Variants in ROBO2 observed in about 807,000 individuals in gnomAD.
ROBO2 encodes roundabout guidance receptor 2.
A neutral mutation model predicts 160.8 loss-of-function variants in ROBO2; 53 were observed. The observed-to-expected ratio is 0.33, with a 90% confidence interval of 0.26 to 0.41. ROBO2 has a LOEUF of 0.41. Among genes scored for constraint, ROBO2 ranks in the 10% least tolerant of loss-of-function variants. The pLI is 1.00. For synonymous variants in ROBO2, 664 were observed against 611.7 expected (o/e 1.09, Z -1.26); for missense variants, 1,577 against 1,722.4 (o/e 0.92, Z 1.49).
intron 2 of ROBO2, among the ~76,000 whole-genome samples, chr3:76,191,660 A>G (rs1284165238): frequency 6.6e-6 from 1 of 152,098 alleles, no homozygotes; most frequent in Non-Finnish European, 1.5e-5. Flanking sequence ...GAATACACCT[A>G]TTCTCTACAA....
intron 2 of ROBO2, among the ~76,000 whole-genome samples, chr3:76,973,197 C>T (rs1264985657): frequency 6.6e-6 from 1 of 152,130 alleles, no homozygotes; most frequent in Non-Finnish European, 1.5e-5. Flanking sequence ...TTCCTTTCCT[C>T]CTTTATTTAT....
At chr3:76,237,914 A>G (rs1705043880) in intron 2 of ROBO2, among the ~76,000 whole-genome samples, 1 of 152,142 alleles carries the variant, frequency 6.6e-6, no homozygotes. Context: ...GATTAAAGGC[A>G]TACCGAAGAG....
chr3:77,587,546 C>G (rs1402321458), intron 16 of ROBO2, among the ~76,000 whole-genome samples: 3 of 152,030 alleles, frequency 2.0e-5, no homozygotes, highest in Non-Finnish European at 2.9e-5. Context: ...TTAGCCTCCA[C>G]TTCAACCCTC....
chr3:76,542,261 C>A (rs2082860098), intron 2 of ROBO2, among the ~76,000 whole-genome samples: 1 of 152,076 alleles, frequency 6.6e-6, no homozygotes. Context: ...CTTATAGGGT[C>A]TAGTGATGCA....
intron 2 of ROBO2, among the ~76,000 whole-genome samples, chr3:76,481,777 G>A (rs531010944): frequency 1.3e-5 from 2 of 152,218 alleles, no homozygotes; most frequent in South Asian, 2.1e-4. Context: ...TAAAAGTTAA[G>A]AGCGTCACTC....
intron 5 of ROBO2, among the ~76,000 whole-genome samples, chr3:77,498,412 G>T (rs934199825): frequency 1.3e-5 from 2 of 152,264 alleles, no homozygotes; most frequent in African/African-American, 4.8e-5. Context: ...ATAGAAAAGG[G>T]AGTAGAGAAT....
At chr3:77,265,641 T>C (rs2153345743) in intron 2 of ROBO2, among the ~76,000 whole-genome samples, 1 of 152,258 alleles carries the variant, frequency 6.6e-6, no homozygotes, top group South Asian at 2.1e-4. Flanking sequence ...GACATTCCTA[T>C]TGACAATTTC....
At chr3:76,113,786 G>A (rs1267932430) in intron 2 of ROBO2, among the ~76,000 whole-genome samples, 2 of 152,124 alleles carry the variant, frequency 1.3e-5, no homozygotes, top group African/African-American at 4.8e-5. Context: ...TTGGAGGTGG[G>A]ACCTCATGGG....
intron 9 of ROBO2, among the ~76,000 whole-genome samples, chr3:77,558,354 A>T (rs2093201625): frequency 6.6e-6 from 1 of 152,136 alleles, no homozygotes; most frequent in South Asian, 2.1e-4. Flanking sequence ...CATTCATAAC[A>T]GAATCTCGAA....
chr3:76,423,168 T>C (rs1438354717), intron 2 of ROBO2, among the ~76,000 whole-genome samples: 1 of 152,056 alleles, frequency 6.6e-6, no homozygotes, highest in African/African-American at 2.4e-5. Flanking sequence ...AAGCTTAAGG[T>C]CAGGCAAGTT....
chr3:76,274,347 A>G (rs1336572729), intron 2 of ROBO2, among the ~76,000 whole-genome samples: 1 of 149,140 alleles, frequency 6.7e-6, no homozygotes, highest in Non-Finnish European at 1.5e-5. Flanking sequence ...CTTAAAGTAT[A>G]ATTAAAAAAA....
chr3:76,857,078 C>T (rs1190085937), intron 2 of ROBO2, among the ~76,000 whole-genome samples: 1 of 151,378 alleles, frequency 6.6e-6, no homozygotes, highest in Non-Finnish European at 1.5e-5. Context: ...CTCCTTCTCC[C>T]GGGTTCAAGC....
At chr3:76,215,482 A>C (rs1171081680) in intron 2 of ROBO2, among the ~76,000 whole-genome samples, 1 of 152,244 alleles carries the variant, frequency 6.6e-6, no homozygotes, top group Non-Finnish European at 1.5e-5. Flanking sequence ...GATGGAGCTA[A>C]AAATCAGGGC....
At chr3:76,543,445 A>C (rs1257562406) in intron 2 of ROBO2, among the ~76,000 whole-genome samples, 1 of 152,080 alleles carries the variant, frequency 6.6e-6, no homozygotes, top group African/African-American at 2.4e-5. Context: ...ATTCATCCCA[A>C]ACAAACAAAA....
chr3:77,465,800 T>C (rs1031053471), intron 2 of ROBO2, among the ~76,000 whole-genome samples: 1 of 152,206 alleles, frequency 6.6e-6, no homozygotes, highest in Non-Finnish European at 1.5e-5. Context: ...TCTTTAGGAA[T>C]GTAAGAAACT....
chr3:76,670,033 G>T (rs6781519), intron 2 of ROBO2, among the ~76,000 whole-genome samples: 1 of 152,022 alleles, frequency 6.6e-6, no homozygotes, highest in African/African-American at 2.4e-5. Flanking sequence ...GCTGAATATA[G>T]TAAGTGTCTT....
chr3:77,468,210 C>T (rs573286123), intron 2 of ROBO2, among the ~76,000 whole-genome samples: 9 of 152,186 alleles, frequency 5.9e-5, no homozygotes, highest in African/African-American at 2.2e-4. Flanking sequence ...ATGCAGATCC[C>T]TGTCAAATAT....
In ROBO2 at chr3:77,528,378, G is replaced by T. The variant is rs1191613319; in HGVS notation, c.934+5476G>T. 1.8e-4 allele frequency among the ~76,000 whole-genome samples: 27 copies of T among 151,542 alleles called. No homozygotes were observed. In the Admixed American group the frequency reaches 1.8e-3, roughly 10 times the overall value. ...CTTCAAAAGCTTCCTTCATGTACCAGCTTGACATCATTGACACCTGATATA... is the reference window on the plus strand; with the variant it reads ...CTTCAAAAGCTTCCTTCATGTACCATCTTGACATCATTGACACCTGATATA... On this transcript the variant is annotated intron_variant, in intron 6 of 25. Coordinates refer to ENST00000461745, the Ensembl canonical transcript of ROBO2.
intron 1 of ROBO2, among the ~76,000 whole-genome samples, chr3:77,046,998 A>T (rs559419743): frequency 6.6e-6 from 1 of 152,310 alleles, no homozygotes; most frequent in South Asian, 2.1e-4. Context: ...TTGAGAACTC[A>T]GAGAAGGAAT....
Sources: allele counts gnomAD v4.1 joint callset (sites outside exome capture counted in the v4.1 genomes callset), GRCh38; gene constraint gnomAD v4.1.1; transcripts MANE v1.5; gene names NCBI Gene and HGNC (gene_info 2026-07-23, HGNC 2026-07-21).